The following ECPAS variants were observed in gnomAD, a reference collection of about 807,000 sequenced individuals.
ECPAS encodes the protein Ecm29 proteasome adaptor and scaffold.
In ECPAS, 70 loss-of-function variants were observed where a neutral mutation model predicts 255.1. The observed-to-expected ratio is 0.27, with a 90% CI of 0.23 to 0.33. The LOEUF (loss-of-function observed/expected upper bound fraction) is 0.33. Ranked by LOEUF, ECPAS falls within the 10% of genes least tolerant of loss-of-function variation. ECPAS has a pLI of 1.00. For synonymous variants in ECPAS, 784 were observed against 775.0 expected, an observed-to-expected ratio of 1.01 and a Z score of -0.19; for missense variants, 1,817 against 2,206.4, an observed-to-expected ratio of 0.82 and a Z score of 3.54.
At chr9:111,468,619 G>A (rs1345690407) in intron 2 of ECPAS, among the ~76,000 whole-genome samples, 2 of 150,070 alleles carry the variant, frequency 1.3e-5, no homozygotes, top group Non-Finnish European at 3.0e-5. Flanking sequence ...TCTGGGCAAA[G>A]AGAGTGAGTG....
At chr9:111,371,480 AC>A in intron 43 of ECPAS, 140 bp downstream of exon 43, 1 of 804,168 alleles carries the variant, frequency 1.2e-6, no homozygotes, top group South Asian at 1.7e-5. Flanking sequence ...GGCAAGGTTT[AC>A]CCAAAGCTTC....
At position 111,478,199 on chromosome 9, in the gene ECPAS, C is replaced by T. The variant is rs143604455; in HGVS notation, c.-82-5199G>A. Among the ~76,000 whole-genome samples, 465 of 151,938 alleles carry T rather than the reference C, an allele frequency of 3.1e-3. 3 individuals are homozygous for T. The highest frequency in any genetic ancestry group is 0.011 in the African/African-American group (454 of 41,450). On this transcript the variant is annotated intron_variant, in intron 1 of 49. Coordinates refer to ENST00000684092, the MANE Select transcript of ECPAS (RefSeq NM_001364929.1). Reference sequence around the variant, plus strand: ...TACAAACTTGAGTCACCGCACCCAGCCTTCTGGCAACTTCATGCTCAATGG... The same window carrying T: ...TACAAACTTGAGTCACCGCACCCAGTCTTCTGGCAACTTCATGCTCAATGG...
intron 3 of ECPAS, among the ~76,000 whole-genome samples, chr9:111,448,927 C>CT (rs145581712): frequency 0.021 from 3,248 of 151,274 alleles, 115 homozygotes; most frequent in African/African-American, 0.073. Flanking sequence ...ATTTTTGGTT[C>CT]TTTTTTTTTA....
chr9:111,472,066 C>T (rs1304672974), intron 2 of ECPAS, among the ~76,000 whole-genome samples: 1 of 151,776 alleles, frequency 6.6e-6, no homozygotes, highest in Non-Finnish European at 1.5e-5. Flanking sequence ...CGTGCCACTG[C>T]ACTCTAGCCT....
rs376956728 is a variant in ECPAS at position 111,367,232 on chromosome 9, A to C, written c.5114-605T>G. Among the ~76,000 whole-genome samples the C allele has an allele frequency of 2.4e-4, 36 of 152,334 alleles. No homozygotes were observed. The South Asian group carries it at 6.8e-3, about 29-fold the overall frequency. ...ATTACTGTAGGATTTAGTAGGGCTC[A>C]AACAAATGTAAAAATGGGGGGAGGC... is the stretch of plus-strand genomic sequence containing the variant. On this transcript the variant is annotated intron_variant, in intron 46 of 49. Coordinates refer to ENST00000684092, the MANE Select transcript of ECPAS (RefSeq NM_001364929.1).
intron 2 of ECPAS, among the ~76,000 whole-genome samples, chr9:111,461,855 C>T (rs2098273577): frequency 6.6e-6 from 1 of 152,210 alleles, no homozygotes; most frequent in South Asian, 2.1e-4. Flanking sequence ...CAAGTCACAT[C>T]TTAACATGGA....
intron 3 of ECPAS, among the ~76,000 whole-genome samples, chr9:111,447,010 CTTCTGACA>C (rs1241817563): frequency 1.3e-5 from 2 of 152,144 alleles, no homozygotes; most frequent in African/African-American, 4.8e-5. Context: ...AAAGAGCCCT[CTTCTGACA>C]TTGTAATCTA....
At chr9:111,440,342 G>A (rs776746461) in intron 6 of ECPAS, 30 bp downstream of exon 6, 65 of 1,576,480 alleles carry the variant, frequency 4.1e-5, no homozygotes, top group Non-Finnish European at 5.5e-5. Flanking sequence ...AAGCAGTCAA[G>A]AACAAGGTTG....
intron 24 of ECPAS, among the ~76,000 whole-genome samples, chr9:111,401,392 G>T (rs1389098349): frequency 6.6e-6 from 1 of 152,178 alleles, no homozygotes; most frequent in Non-Finnish European, 1.5e-5. Context: ...GAAAGGGGAG[G>T]GGGGTGTACA....
Position 111,428,095 on chromosome 9 carries a change from G to A in ECPAS, c.997C>T (p.Pro333Ser), listed in dbSNP as rs747564591. 1 of 1,613,326 alleles carries A rather than the reference G, an allele frequency of 6.2e-7. No homozygotes were observed. Among genetic ancestry groups the A allele is most frequent in the Admixed American group, 1.7e-5 (1 of 59,948 alleles). Residue 333 changes from proline (P) to serine (S), a missense_variant, in exon 10 of 50, where the codon CCC becomes TCC. Physicochemically the swap from Pro to Ser is moderately conservative, Grantham distance 74 (BLOSUM62 -1). This residue lies in a region of ECPAS where 573 missense variants were observed against 716.2 expected (regional missense o/e 0.80). Transcript: ENST00000684092. ...GCTTGTCTAGAGCGGAGGAGATGGGGGACAATCTTTAACTTGACTCTTGTA... is the reference window on the plus strand; with the variant it reads ...GCTTGTCTAGAGCGGAGGAGATGGGAGACAATCTTTAACTTGACTCTTGTA... ...VSTRVKLKIV[P>S]HLLRSRQAAE...
At chr9:111,425,656 A>C in intron 11 of ECPAS, 87 bp downstream of exon 11, 1 of 978,686 alleles carries the variant, frequency 1.0e-6, no homozygotes, top group Non-Finnish European at 1.5e-6. Flanking sequence ...TTTTCTTTCT[A>C]GGTAAGATGA....
At chr9:111,414,918 A>G (rs1395769485) in intron 18 of ECPAS, among the ~76,000 whole-genome samples, 1 of 152,348 alleles carries the variant, frequency 6.6e-6, no homozygotes, top group East Asian at 1.9e-4. Flanking sequence ...TATCCTTAGC[A>G]AACTAACGCA....
intron 3 of ECPAS, among the ~76,000 whole-genome samples, chr9:111,448,708 T>A (rs909571900): frequency 3.3e-5 from 5 of 152,176 alleles, no homozygotes; most frequent in Non-Finnish European, 7.4e-5. Context: ...TTACAAACAT[T>A]AGAATACACT....
chr9:111,483,546 T>C, intron 1 of ECPAS: 2 of 796,792 alleles, frequency 2.5e-6, no homozygotes, highest in Non-Finnish European at 3.0e-6. Context: ...GCAGCCATGT[T>C]GCGCCGGGGA....
chr9:111,418,030 A>T (rs758763313), intron 16 of ECPAS, 24 bp from the exon 17 acceptor site: 1 of 1,558,260 alleles, frequency 6.4e-7, no homozygotes, highest in Non-Finnish European at 8.6e-7. Flanking sequence ...ACAAATAAGA[A>T]TAAAAAATAA....
At chr9:111,465,608 T>C (rs896730680) in intron 2 of ECPAS, among the ~76,000 whole-genome samples, 13 of 151,478 alleles carry the variant, frequency 8.6e-5, no homozygotes, top group African/African-American at 3.1e-4. Context: ...AGAATATATA[T>C]ATATATATAT....
chr9:111,396,940 G>T, intron 25 of ECPAS, 90 bp downstream of exon 25: 2 of 1,460,408 alleles, frequency 1.4e-6, no homozygotes, highest in Non-Finnish European at 1.9e-6. Flanking sequence ...CAGTAATATG[G>T]AATGTGTAAT....
chr9:111,446,266 T>A (rs945940843), intron 3 of ECPAS, among the ~76,000 whole-genome samples: 2 of 152,228 alleles, frequency 1.3e-5, no homozygotes, highest in Non-Finnish European at 2.9e-5. Flanking sequence ...TAGAAAGGGA[T>A]GTACAGAGGC....
At position 111,484,371 on chromosome 9, in the gene ECPAS, G is replaced by C. The variant is rs2098312109; in HGVS notation, c.-338C>G. On this transcript the variant is annotated 5_prime_UTR_variant, in exon 1 of 50. Transcript: ENST00000684092. Reference sequence around the variant, plus strand: ...GGGGAAACACGCCTGTCCAAAGGAAGAGACGTGGACTCAGAAAAGTAGAGC... The same window carrying C: ...GGGGAAACACGCCTGTCCAAAGGAACAGACGTGGACTCAGAAAAGTAGAGC... The C allele has an allele frequency of 1.9e-6, 3 of 1,611,688 alleles. No individual in the cohort carries two copies. Among genetic ancestry groups the C allele is most frequent in the Middle Eastern group, 1.7e-4 (1 of 6,026 alleles).
Sources: allele counts gnomAD v4.1 joint callset (sites outside exome capture counted in the v4.1 genomes callset), GRCh38; gene constraint gnomAD v4.1.1; regional missense constraint gnomAD v4.1.1; transcripts MANE v1.5; gene names NCBI Gene and HGNC (gene_info 2026-07-23, HGNC 2026-07-21).